Variants in SGMS1 observed in about 807,000 individuals in gnomAD.
SGMS1 encodes phosphatidylcholine:ceramide cholinephosphotransferase 1.
Under a neutral mutation model 46.2 loss-of-function variants are expected in SGMS1, and 13 were observed. The observed-to-expected ratio is 0.28, with a 90% CI of 0.18 to 0.45. The LOEUF is 0.45. Ranked by LOEUF, SGMS1 falls within the 20% of genes least tolerant of loss-of-function variation. The probability of loss-of-function intolerance (pLI) is 1.00; values close to 1 mark genes in which losing one functional copy is unlikely to be tolerated. For missense variants in SGMS1, 324 were observed against 519.9 expected, an observed-to-expected ratio of 0.62 and a Z score of 3.66; for synonymous variants, 203 against 187.8, an observed-to-expected ratio of 1.08 and a Z score of -0.66.
At chr10:50,326,234 A>G (rs573533806) in intron 8 of SGMS1, among the ~76,000 whole-genome samples, 2 of 152,322 alleles carry the variant, frequency 1.3e-5, no homozygotes, top group African/African-American at 4.8e-5. Flanking sequence ...GCACATATGT[A>G]AGTTTAGCAA....
chr10:50,527,161 A>G (rs1250287861), intron 2 of SGMS1, among the ~76,000 whole-genome samples: 1 of 152,110 alleles, frequency 6.6e-6, no homozygotes, highest in African/African-American at 2.4e-5. Flanking sequence ...CCACTCCGTA[A>G]GTAGACATTG....
chr10:50,567,553 C>T (rs910242121), intron 2 of SGMS1, among the ~76,000 whole-genome samples: 5 of 152,180 alleles, frequency 3.3e-5, no homozygotes, highest in African/African-American at 7.2e-5. Flanking sequence ...CACCTGGCAA[C>T]GAGGAACAGG....
At chr10:50,391,040 C>G (rs1216560007) in intron 6 of SGMS1, among the ~76,000 whole-genome samples, 1 of 152,152 alleles carries the variant, frequency 6.6e-6, no homozygotes, top group Non-Finnish European at 1.5e-5. Flanking sequence ...AATAGGATGC[C>G]AAGAAGCGTG....
intron 6 of SGMS1, among the ~76,000 whole-genome samples, chr10:50,422,843 T>C (rs1405890975): frequency 1.3e-5 from 2 of 152,200 alleles, no homozygotes; most frequent in Non-Finnish European, 2.9e-5. Flanking sequence ...AGAGCAAGCC[T>C]CTGTCAAAAG....
At chr10:50,480,339 A>C (rs1369876426) in intron 3 of SGMS1, among the ~76,000 whole-genome samples, 2 of 152,030 alleles carry the variant, frequency 1.3e-5, no homozygotes, top group African/African-American at 4.8e-5. Context: ...AGTTAGTGCT[A>C]AATAAATGCT....
chr10:50,543,118 T>C (rs1564428080), intron 2 of SGMS1, among the ~76,000 whole-genome samples: 2 of 152,128 alleles, frequency 1.3e-5, no homozygotes, highest in Non-Finnish European at 2.9e-5. Flanking sequence ...AGACCAAGTG[T>C]TGACTTTGTG....
intron 5 of SGMS1, among the ~76,000 whole-genome samples, chr10:50,441,261 G>C (rs1849543453): frequency 6.6e-6 from 1 of 152,254 alleles, no homozygotes. Context: ...CATAGATGGA[G>C]TGTATTCCAG....
At chr10:50,540,417 C>T (rs761836069) in intron 2 of SGMS1, among the ~76,000 whole-genome samples, 8 of 152,144 alleles carry the variant, frequency 5.3e-5, no homozygotes, top group Admixed American at 6.5e-5. Context: ...AAAATACTCA[C>T]AATTACCACT....
At chr10:50,308,458 A>G (rs1847207855) in intron 9 of SGMS1, among the ~76,000 whole-genome samples, 1 of 152,144 alleles carries the variant, frequency 6.6e-6, no homozygotes, top group African/African-American at 2.4e-5. Flanking sequence ...CGTTTTTAAA[A>G]ACTGTCCATT....
In SGMS1 at chr10:50,623,768, ATC is replaced by A; in HGVS notation, c.-747_-746del. 1.0e-6 allele frequency: 1 copy of A among 985,436 alleles called. No individual in the cohort carries two copies. The highest frequency in any genetic ancestry group is 1.2e-6 in the Non-Finnish European group (1 of 829,976). The allele number at this position is 985,436 out of a possible 1,614,324, so 61.0% of individuals were successfully genotyped here. ...CGCGGAGCCCCCGCCGCGGAATGAA[ATC>A]CGGGGCAGGGCAGCGTCGGGGCTCC... On this transcript the variant is annotated 5_prime_UTR_variant, in exon 1 of 11. Coordinates refer to ENST00000361781, the MANE Select transcript of SGMS1 (RefSeq NM_147156.4).
At chr10:50,393,824 TC>T (rs1199508734) in intron 6 of SGMS1, among the ~76,000 whole-genome samples, 1 of 152,192 alleles carries the variant, frequency 6.6e-6, no homozygotes. Context: ...CTTTGGCTGA[TC>T]AGGACAACTT....
chr10:50,359,349 G>A (rs1400452649), intron 6 of SGMS1, among the ~76,000 whole-genome samples: 1 of 152,024 alleles, frequency 6.6e-6, no homozygotes. Context: ...GCAATTGATA[G>A]TTTCCCCCCT....
chr10:50,465,331 C>T (rs1837316459), intron 4 of SGMS1, among the ~76,000 whole-genome samples: 1 of 151,946 alleles, frequency 6.6e-6, no homozygotes, highest in Admixed American at 6.6e-5. Flanking sequence ...GAGCCTTTAA[C>T]ATTAAAATCA....
At chr10:50,401,943 T>A (rs896458547) in intron 6 of SGMS1, among the ~76,000 whole-genome samples, 2 of 152,254 alleles carry the variant, frequency 1.3e-5, no homozygotes, top group Non-Finnish European at 2.9e-5. Context: ...TTTTTAAGAT[T>A]AAGCTAAAGA....
intron 2 of SGMS1, among the ~76,000 whole-genome samples, chr10:50,552,385 C>G (rs994945288): frequency 4.6e-5 from 7 of 152,168 alleles, no homozygotes; most frequent in Non-Finnish European, 8.8e-5. Flanking sequence ...TAGACATACC[C>G]TTTAAAAAGA....
At chr10:50,371,092 T>C (rs529639788) in intron 6 of SGMS1, among the ~76,000 whole-genome samples, 3 of 152,348 alleles carry the variant, frequency 2.0e-5, no homozygotes, top group East Asian at 1.9e-4. Context: ...TTTATACGGA[T>C]GGCAGTGCAG....
At chr10:50,430,111 T>A (rs1161766134) in intron 6 of SGMS1, among the ~76,000 whole-genome samples, 1 of 152,090 alleles carries the variant, frequency 6.6e-6, no homozygotes, top group Non-Finnish European at 1.5e-5. Context: ...CTCAAACTGT[T>A]CCTTCTACCT....
At chr10:50,532,258 TG>T (rs1837961736) in intron 2 of SGMS1, among the ~76,000 whole-genome samples, 1 of 151,142 alleles carries the variant, frequency 6.6e-6, no homozygotes, top group Non-Finnish European at 1.5e-5. Flanking sequence ...TGTGTGTGTG[TG>T]TGTGTGTGTG....
intron 3 of SGMS1, among the ~76,000 whole-genome samples, chr10:50,495,281 G>C (rs1449588955): frequency 8.8e-6 from 1 of 113,926 alleles, no homozygotes; most frequent in East Asian, 1.9e-4. Context: ...AAAAGGATGT[G>C]CTGTATCTGT....
Sources: allele counts gnomAD v4.1 joint callset (sites outside exome capture counted in the v4.1 genomes callset), GRCh38; gene constraint gnomAD v4.1.1; transcripts MANE v1.5; gene names NCBI Gene and HGNC (gene_info 2026-07-23, HGNC 2026-07-21).